RBFOX1: variants seen among roughly 807,000 people sequenced by gnomAD.
The protein encoded by RBFOX1 is RNA binding protein fox-1 homolog 1.
Under a neutral mutation model 57.7 loss-of-function variants are expected in RBFOX1, and 8 were observed. The observed-to-expected ratio is 0.14, with a 90% CI of 0.08 to 0.25. The LOEUF is 0.25. Ranked by LOEUF, RBFOX1 falls within the 10% of genes least tolerant of loss-of-function variation. The pLI, the probability that RBFOX1 is intolerant of heterozygous loss-of-function variation, is 1.00. For synonymous variants in RBFOX1, 326 were observed against 222.4 expected (o/e 1.47, Z -4.15); for missense variants, 611 against 548.5 (o/e 1.11, Z -1.14).
At chr16:6,707,408 TC>T (rs1267203080) in intron 3 of RBFOX1, among the ~76,000 whole-genome samples, 2 of 151,880 alleles carry the variant, frequency 1.3e-5, no homozygotes, top group Non-Finnish European at 2.9e-5. Context: ...CGTTAACAGC[TC>T]CTACAATTGT....
At chr16:7,633,376 G>T (rs1340189164) in intron 11 of RBFOX1, among the ~76,000 whole-genome samples, 1 of 152,102 alleles carries the variant, frequency 6.6e-6, no homozygotes, top group East Asian at 1.9e-4. Context: ...TTTCTAAATT[G>T]TATCAGTCGT....
intron 10 of RBFOX1, among the ~76,000 whole-genome samples, chr16:7,620,904 C>T (rs1337573755): frequency 6.6e-6 from 1 of 152,050 alleles, no homozygotes; most frequent in Non-Finnish European, 1.5e-5. Flanking sequence ...TTGTATAGCA[C>T]CTGAAACCTA....
intron 4 of RBFOX1, among the ~76,000 whole-genome samples, chr16:7,232,854 T>TAAAA (rs35209426): frequency 2.3e-5 from 3 of 128,680 alleles, no homozygotes; most frequent in South Asian, 2.6e-4. Flanking sequence ...ATCTCTTAAT[T>TAAAA]AAAAAAAAAA....
At chr16:6,244,450 T>A (rs2097557824) in intron 1 of RBFOX1, among the ~76,000 whole-genome samples, 1 of 152,160 alleles carries the variant, frequency 6.6e-6, no homozygotes, top group South Asian at 2.1e-4. Context: ...CAGTGCAACA[T>A]CTAGCAGGTT....
chr16:5,554,466 A>G (rs114965403), intron 2 of RBFOX1, among the ~76,000 whole-genome samples: 2,707 of 152,300 alleles, frequency 0.018, 87 homozygotes, highest in African/African-American at 0.062. Flanking sequence ...CTAAGAGTAA[A>G]TGGAAAAATA....
intron 3 of RBFOX1, among the ~76,000 whole-genome samples, chr16:5,811,697 C>A (rs1254999526): frequency 6.6e-6 from 1 of 152,132 alleles, no homozygotes; most frequent in Non-Finnish European, 1.5e-5. Context: ...GGTCTGCCCG[C>A]CTTGGCCTCC....
intron 2 of RBFOX1, among the ~76,000 whole-genome samples, chr16:6,588,682 C>A (rs974090576): frequency 1.8e-4 from 28 of 152,112 alleles, no homozygotes; most frequent in African/African-American, 6.8e-4. Context: ...GCACCTTCCT[C>A]CCTGCATTTT....
intron 4 of RBFOX1, among the ~76,000 whole-genome samples, chr16:7,354,790 G>T (rs1411804340): frequency 2.0e-5 from 3 of 152,156 alleles, no homozygotes; most frequent in South Asian, 2.1e-4. Context: ...GACATTTTCA[G>T]TGCCTAGGAG....
intron 1 of RBFOX1, among the ~76,000 whole-genome samples, chr16:5,297,455 T>A (rs2063697075): frequency 6.6e-6 from 1 of 152,232 alleles, no homozygotes; most frequent in African/African-American, 2.4e-5. Flanking sequence ...TCAGGTAATA[T>A]ATCATTGTGG....
At chr16:7,374,618 T>A (rs2147556227) in intron 4 of RBFOX1, among the ~76,000 whole-genome samples, 1 of 152,298 alleles carries the variant, frequency 6.6e-6, no homozygotes, top group Non-Finnish European at 1.5e-5. Context: ...GAAGGGTGAT[T>A]GTCATGTCCA....
At chr16:6,506,035 G>T (rs2096079027) in intron 2 of RBFOX1, among the ~76,000 whole-genome samples, 1 of 152,146 alleles carries the variant, frequency 6.6e-6, no homozygotes, top group South Asian at 2.1e-4. Context: ...GTGACCTAAA[G>T]GAAAGATTCC....
In RBFOX1 at chr16:7,141,808, C is replaced by T. The variant is rs150842831; in HGVS notation, c.27+89710C>T. On this transcript the variant is annotated intron_variant, in intron 4 of 15. Transcript: ENST00000550418. Reference sequence around the variant, plus strand: ...GCCTGGTCACGGTCCATCATATTGACGACCGCACCAGCCTTCTGACTGGAC... The same window carrying T: ...GCCTGGTCACGGTCCATCATATTGATGACCGCACCAGCCTTCTGACTGGAC... Among the ~76,000 whole-genome samples the T allele has an allele frequency of 9.9e-5, 15 of 152,190 alleles. No homozygotes were observed. In the East Asian group the frequency reaches 1.9e-3, roughly 20 times the overall value.
intron 2 of RBFOX1, among the ~76,000 whole-genome samples, chr16:6,534,713 A>G (rs1234990798): frequency 1.3e-5 from 2 of 152,136 alleles, no homozygotes; most frequent in Non-Finnish European, 2.9e-5. Context: ...GCTGGGGGAG[A>G]AGCACAGAAT....
chr16:6,360,703 C>G (rs1360454265), intron 2 of RBFOX1, among the ~76,000 whole-genome samples: 1 of 152,152 alleles, frequency 6.6e-6, no homozygotes, highest in Non-Finnish European at 1.5e-5. Context: ...AATTCATTGA[C>G]CCATCTTATG....
At chr16:6,543,799 CA>C (rs2096857210) in intron 2 of RBFOX1, among the ~76,000 whole-genome samples, 1 of 152,034 alleles carries the variant, frequency 6.6e-6, no homozygotes, top group Non-Finnish European at 1.5e-5. Context: ...AGTGTCACTA[CA>C]GAGTCTACCC....
rs1174908601 is a variant in RBFOX1 at position 5,748,331 on chromosome 16, C to G, written c.319-118972C>G. Reference sequence around the variant, plus strand: ...ATTTTGGAATAAGTGTGATGTGATGCTGAGAAGAATGTATATTCTGTTGAT... The same window carrying G: ...ATTTTGGAATAAGTGTGATGTGATGGTGAGAAGAATGTATATTCTGTTGAT... On this transcript the variant is annotated intron_variant, in intron 3 of 19. Coordinates refer to the RBFOX1 transcript ENST00000641259. 2.0e-5 allele frequency among the ~76,000 whole-genome samples: 3 copies of G among 152,238 alleles called. No homozygotes were observed. In the East Asian group the frequency reaches 5.8e-4, roughly 29 times the overall value.
chr16:7,265,978 T>G (rs1249112330), intron 4 of RBFOX1, among the ~76,000 whole-genome samples: 7 of 139,628 alleles, frequency 5.0e-5, no homozygotes, highest in Admixed American at 2.8e-4. Context: ...TTTTTTTTTT[T>G]TTTTTTTTTT....
At chr16:5,622,720 A>G (rs1279847992) in intron 3 of RBFOX1, among the ~76,000 whole-genome samples, 1 of 152,208 alleles carries the variant, frequency 6.6e-6, no homozygotes, top group Admixed American at 6.5e-5. Flanking sequence ...TCAGAGCTGA[A>G]TAGTTGCAAG....
intron 2 of RBFOX1, among the ~76,000 whole-genome samples, chr16:6,361,188 A>G (rs2088430519): frequency 6.6e-6 from 1 of 152,126 alleles, no homozygotes. Flanking sequence ...AAACAGGCTC[A>G]AAAGGAATGG....
Sources: gnomAD v4.1 joint callset for allele counts (sites outside exome capture counted in the v4.1 genomes callset) on GRCh38, gnomAD v4.1.1 for gene constraint, MANE v1.5 for transcripts, NCBI Gene and HGNC (gene_info 2026-07-23, HGNC 2026-07-21) for gene names.